CFAP97D2: variants seen among roughly 807,000 people sequenced by gnomAD.
CFAP97D2 encodes the protein CFAP97 domain containing 2.
chr13:114,218,234 A>G (rs536205993), intron 4 of CFAP97D2, among the ~76,000 whole-genome samples: 1 of 152,370 alleles, frequency 6.6e-6, no homozygotes, highest in Non-Finnish European at 1.5e-5. Context: ...CACCAATAGC[A>G]GACAAACAGA....
exon 3 of CFAP97D2, chr13:114,200,414 T>G (rs1049941256): frequency 1.8e-5 from 7 of 398,572 alleles, no homozygotes; most frequent in Non-Finnish European, 3.1e-5. Flanking sequence ...GGGGACAGAC[T>G]GACAGCAAAA....
intron 3 of CFAP97D2, among the ~76,000 whole-genome samples, chr13:114,200,942 C>A (rs2080915315): frequency 6.6e-6 from 1 of 152,242 alleles, no homozygotes. Flanking sequence ...CAGCAGACCA[C>A]TAGGTCCAGC....
intron 2 of CFAP97D2, 118 bp from the exon 3 acceptor site, chr13:114,200,203 GCACT>G: frequency 2.5e-6 from 1 of 394,098 alleles, no homozygotes; most frequent in Non-Finnish European, 4.5e-6. Flanking sequence ...GCGTGATGGC[GCACT>G]CGCCGATATG....
At chr13:114,192,124 AT>A (rs1204786073) in intron 1 of CFAP97D2, among the ~76,000 whole-genome samples, 3 of 152,128 alleles carry the variant, frequency 2.0e-5, no homozygotes, top group Non-Finnish European at 4.4e-5. Flanking sequence ...GGCCATGAAA[AT>A]ATGCTGTATG....
chr13:114,210,943 T>C (rs1323656536), intron 3 of CFAP97D2, among the ~76,000 whole-genome samples: 4 of 151,684 alleles, frequency 2.6e-5, no homozygotes, highest in African/African-American at 9.7e-5. Flanking sequence ...TGTGCTATGG[T>C]TTTCCAAAAC....
chr13:114,212,183 GT>G lies in CFAP97D2; in HGVS notation c.480+83del, dbSNP rs1423042936. 5 of 397,824 alleles carry G rather than the reference GT, an allele frequency of 1.3e-5. No individual in the cohort carries two copies. The East Asian group carries it at 1.8e-4, about 14-fold the overall frequency. The allele number at this position is 397,824 out of a possible 1,614,324, so 24.6% of individuals were successfully genotyped here. The stretch of plus-strand genomic sequence containing the variant: ...ACTTCATCAGATTCATCAGAATTAT[GT>G]ACTCACTCATTCTTTGCCGTATTAG... On this transcript the variant is annotated intron_variant, in intron 4 of 4. Transcript: ENST00000646158.
At position 114,204,317 on chromosome 13, in the gene CFAP97D2, G is replaced by C. The variant is rs78982081; in HGVS notation, c.290+3874G>C. Among the ~76,000 whole-genome samples the C allele has an allele frequency of 3.9e-3, 594 of 152,324 alleles. 1 individual carries two copies. The highest frequency in any genetic ancestry group is 0.014 in the African/African-American group (574 of 41,566). The stretch of plus-strand genomic sequence containing the variant: ...GCTCGGCACAGGAAAATTGTGAGCT[G>C]TTTGCGCAGGAGGGCTGCGTGTTCT... On this transcript the variant is annotated intron_variant, in intron 3 of 4. Transcript: ENST00000646158.
intron 4 of CFAP97D2, chr13:114,215,753 G>A (rs775748150): frequency 3.3e-5 from 5 of 152,188 alleles, no homozygotes; most frequent in South Asian, 2.1e-4. Context: ...AGGGTTACCC[G>A]TGGGGGCACT....
Position 114,221,158 on chromosome 13 carries a change from G to A in CFAP97D2, c.481-1340G>A, listed in dbSNP as rs188292245. 3.3e-3 allele frequency among the ~76,000 whole-genome samples: 498 copies of A among 152,296 alleles called. 3 individuals are homozygous for A. The highest frequency in any genetic ancestry group is 4.6e-3 in the Admixed American group (71 of 15,294). On this transcript the variant is annotated intron_variant, in intron 4 of 4. Transcript: ENST00000646158. ...GCTACTCAGGAGGCTGAGGCAGGAG[G>A]ATCGCTTGAACCAGGGAGGCGGAGG...
At chr13:114,210,043 A>G (rs1318552910) in intron 3 of CFAP97D2, among the ~76,000 whole-genome samples, 2 of 152,240 alleles carry the variant, frequency 1.3e-5, no homozygotes, top group African/African-American at 2.4e-5. Context: ...CTATCATTTC[A>G]TCACCCAGAG....
exon 3 of CFAP97D2, chr13:114,200,346 G>C (rs561628125): frequency 5.0e-6 from 2 of 398,534 alleles, no homozygotes; most frequent in Admixed American, 4.4e-5. Flanking sequence ...ACGGCTCTCC[G>C]TCATCGAGAG....
chr13:114,222,554 G>T (rs1379636236), downstream of CFAP97D2: 2 of 392,324 alleles, frequency 5.1e-6, no homozygotes, highest in Admixed American at 4.6e-5. The surrounding 1 kb of genome is among the most constrained non-coding windows in gnomAD (Gnocchi z 4.4). Context: ...TAAAAGAGAA[G>T]TGAGGAAGGG....
intron 3 of CFAP97D2, among the ~76,000 whole-genome samples, chr13:114,204,039 G>C (rs1364553696): frequency 2.6e-5 from 4 of 152,202 alleles, no homozygotes; most frequent in Non-Finnish European, 4.4e-5. Flanking sequence ...GGGGAGCAAT[G>C]GCTATCTCAG....
intron 1 of CFAP97D2, among the ~76,000 whole-genome samples, chr13:114,195,052 G>A (rs867173827): frequency 6.6e-6 from 1 of 151,904 alleles, no homozygotes; most frequent in African/African-American, 2.4e-5. Context: ...CTTCACCCCC[G>A]CCCCACACAT....
intron 4 of CFAP97D2, among the ~76,000 whole-genome samples, chr13:114,218,047 A>C (rs1352126870): frequency 6.6e-6 from 1 of 152,190 alleles, no homozygotes; most frequent in Non-Finnish European, 1.5e-5. Context: ...AGGAGAAAGA[A>C]ATAAAGGGTA....
chr13:114,213,358 T>G (rs1328567433), intron 4 of CFAP97D2, among the ~76,000 whole-genome samples: 2 of 103,360 alleles, frequency 1.9e-5, no homozygotes, highest in African/African-American at 3.9e-5. Flanking sequence ...TCCAAGACCA[T>G]GAACCCCACC....
At chr13:114,214,582 T>TTTGTTTGTTTG (rs1555350694) in intron 4 of CFAP97D2, among the ~76,000 whole-genome samples, 1 of 150,874 alleles carries the variant, frequency 6.6e-6, no homozygotes, top group African/African-American at 2.4e-5. Context: ...ATATTTGAGG[T>TTTGTTTGTTTG]TTTGTTTGTT....
At chr13:114,197,963 G>T (rs544506439) in intron 2 of CFAP97D2, among the ~76,000 whole-genome samples, 1 of 152,220 alleles carries the variant, frequency 6.6e-6, no homozygotes, top group African/African-American at 2.4e-5. Context: ...GGGATTACAG[G>T]TGTTGTTTAT....
intron 3 of CFAP97D2, among the ~76,000 whole-genome samples, chr13:114,209,114 G>A (rs1283499442): frequency 6.6e-6 from 1 of 152,212 alleles, no homozygotes; most frequent in Non-Finnish European, 1.5e-5. Flanking sequence ...AAGCAAGCAA[G>A]GATAATCCAC....
Sources: gnomAD v4.1 joint callset for allele counts (sites outside exome capture counted in the v4.1 genomes callset) on GRCh38, gnomAD v4.1.1 for gene constraint, Gnocchi (gnomAD v3.1) non-coding constraint, MANE v1.5 for transcripts, NCBI Gene and HGNC (gene_info 2026-07-23, HGNC 2026-07-21) for gene names.